Variants in EFR3B observed in about 807,000 individuals in gnomAD.
The protein encoded by EFR3B is protein EFR3 homolog B.
Under a neutral mutation model 104.7 loss-of-function variants are expected in EFR3B, and 64 were observed. The ratio of observed to expected loss-of-function variants is 0.61; its 90% CI spans 0.50 to 0.75. EFR3B has a LOEUF of 0.75. Ranked by LOEUF, EFR3B falls within the 30% of genes least tolerant of loss-of-function variation. The pLI is 0.00. For synonymous variants in EFR3B, 385 were observed against 417.9 expected (o/e 0.92, Z 0.96); for missense variants, 750 against 1,078.5 (o/e 0.70, Z 4.27).
chr2:25,086,682 T>C (rs113151175), intron 1 of EFR3B, among the ~76,000 whole-genome samples: 22 of 152,284 alleles, frequency 1.4e-4, no homozygotes, highest in African/African-American at 3.6e-4. Context: ...AACCTCTGCC[T>C]CCTGGGTTCA....
intron 1 of EFR3B, among the ~76,000 whole-genome samples, chr2:25,079,065 G>T (rs978807613): frequency 6.6e-6 from 1 of 152,196 alleles, no homozygotes; most frequent in African/African-American, 2.4e-5. Flanking sequence ...ACCCCCTACA[G>T]TGGAGGAAGG....
chr2:25,088,774 C>T (rs1430361461), intron 1 of EFR3B, among the ~76,000 whole-genome samples: 1 of 152,154 alleles, frequency 6.6e-6, no homozygotes, highest in African/African-American at 2.4e-5. Context: ...CAGGATTTGA[C>T]CTGAGAGCCC....
intron 1 of EFR3B, among the ~76,000 whole-genome samples, chr2:25,089,350 C>A (rs1186055680): frequency 6.6e-6 from 1 of 152,140 alleles, no homozygotes; most frequent in East Asian, 1.9e-4. Flanking sequence ...GTGAGCTTGG[C>A]CTTTGTCCAG....
intron 1 of EFR3B, among the ~76,000 whole-genome samples, chr2:25,046,888 A>G (rs1223614310): frequency 1.3e-5 from 2 of 152,182 alleles, no homozygotes; most frequent in Admixed American, 6.5e-5. Flanking sequence ...GCGCATGTGC[A>G]CACACATAAA....
At chr2:25,053,197 G>A (rs1044784353) in intron 1 of EFR3B, among the ~76,000 whole-genome samples, 19 of 152,346 alleles carry the variant, frequency 1.2e-4, no homozygotes, top group African/African-American at 3.8e-4. Flanking sequence ...AGTCAACAGC[G>A]AGGCTGGGAG....
rs533590020 is a variant in EFR3B, at chr2:25,103,915, C to T, written c.363+128C>T. ...TTGGTTCCCAACCCTAAGTGTGACA[C>T]ACTGCTTGTTTTAGGGTCTCCCTTT... On this transcript the variant is annotated intron_variant, in intron 4 of 22. Coordinates refer to ENST00000403714, the MANE Select transcript of EFR3B (RefSeq NM_014971.2). 7.0e-6 allele frequency: 8 copies of T among 1,137,098 alleles called. No individual in the cohort carries two copies. The East Asian group carries it at 7.9e-5, about 11-fold the overall frequency. 70.4% of individuals were successfully genotyped at this position (1,137,098 alleles called of 1,614,324 possible).
intron 1 of EFR3B, among the ~76,000 whole-genome samples, chr2:25,067,466 ACT>A (rs1668370108): frequency 6.9e-6 from 1 of 144,590 alleles, no homozygotes; most frequent in African/African-American, 2.6e-5. Context: ...ATAGAGTCTC[ACT>A]CTGTTGCCCA....
intron 1 of EFR3B, among the ~76,000 whole-genome samples, chr2:25,050,965 A>G (rs999148070): frequency 6.6e-6 from 1 of 152,164 alleles, no homozygotes; most frequent in Admixed American, 6.5e-5. Flanking sequence ...TTTGCATGGT[A>G]TTAAGATTGG....
chr2:25,117,061 G>T (rs1014463964), intron 4 of EFR3B, among the ~76,000 whole-genome samples: 10 of 152,224 alleles, frequency 6.6e-5, no homozygotes, highest in African/African-American at 2.2e-4. Context: ...GCCACGGCTC[G>T]CTGAGGAAGA....
Position 25,042,349 on chromosome 2 carries a change from C to T in EFR3B, c.7+30C>T. ...GGAGGGCTCCGCGCCCGGGCCCGGG[C>T]CCGCGGGGGCGACTCCGCAAACTTC... On this transcript the variant is annotated intron_variant, in intron 1 of 22. Coordinates refer to ENST00000403714, the MANE Select transcript of EFR3B (RefSeq NM_014971.2). The surrounding 1 kb of genome is among the most constrained non-coding windows in gnomAD (Gnocchi z 5.4). The T allele has an allele frequency of 8.0e-7, 1 of 1,257,186 alleles. No homozygotes were observed. Among genetic ancestry groups the T allele is most frequent in the Non-Finnish European group, 1.0e-6 (1 of 999,776 alleles). The allele number at this position is 1,257,186 out of a possible 1,614,324, so 77.9% of individuals were successfully genotyped here.
chr2:25,085,054 A>G (rs1668912139), intron 1 of EFR3B, among the ~76,000 whole-genome samples: 1 of 152,196 alleles, frequency 6.6e-6, no homozygotes, highest in Non-Finnish European at 1.5e-5. Flanking sequence ...CACAAGGAAT[A>G]AGGCACCTAC....
At chr2:25,075,157 C>G (rs1668601752) in intron 1 of EFR3B, among the ~76,000 whole-genome samples, 1 of 152,132 alleles carries the variant, frequency 6.6e-6, no homozygotes. Context: ...TTGTCCTTTC[C>G]TACTTGAGCA....
At chr2:25,051,637 G>GT (rs1553383963) in intron 1 of EFR3B, among the ~76,000 whole-genome samples, 15,709 of 136,690 alleles carry the variant, frequency 0.11, 2,136 homozygotes, top group African/African-American at 0.33. Flanking sequence ...GTGTGTGTGT[G>GT]TTTTTTTTTT....
At position 25,042,116 on chromosome 2, in the gene EFR3B, C is replaced by CCGGCGCTGAATGGGCTGG; in HGVS notation, c.-190_-173dup. 1 of 376,372 alleles carries CCGGCGCTGAATGGGCTGG rather than the reference C, an allele frequency of 2.7e-6. No homozygotes were observed. Among genetic ancestry groups the CCGGCGCTGAATGGGCTGG allele is most frequent in the East Asian group, 4.8e-5 (1 of 21,016 alleles). The allele number at this position is 376,372 out of a possible 1,614,324, so 23.3% of individuals were successfully genotyped here. A position where few individuals can be genotyped will look rare whatever the true frequency, so the allele number is the denominator to read the frequency against. On this transcript the variant is annotated 5_prime_UTR_variant, in exon 1 of 23. It adds an upstream start codon to the 5' untranslated region. Coordinates refer to ENST00000403714, the MANE Select transcript of EFR3B (RefSeq NM_014971.2). This position sits in a 1 kb window ranked among gnomAD's most constrained non-coding sequence, Gnocchi z 5.4. Reference sequence around the variant, plus strand: ...CCCGAGCGGAGGCGGCCGCTGCAGCCCGGCGCTGAATGGGCTGGCGGCGCC... The same window carrying CCGGCGCTGAATGGGCTGG: ...CCCGAGCGGAGGCGGCCGCTGCAGCCCGGCGCTGAATGGGCTGGCGGCGCTGAATGGGCTGGCGGCGCC...
intron 1 of EFR3B, among the ~76,000 whole-genome samples, chr2:25,043,780 T>A (rs190535084): frequency 6.6e-6 from 1 of 152,078 alleles, no homozygotes; most frequent in Admixed American, 6.6e-5. Flanking sequence ...CTCTCTGTTT[T>A]CCCCCTCTTC....
rs1671154068 is a variant in EFR3B at position 25,155,911 on chromosome 2, G to GAAC, written c.*1572_*1574dup. On this transcript the variant is annotated 3_prime_UTR_variant, in exon 23 of 23. Coordinates refer to ENST00000403714, the MANE Select transcript of EFR3B (RefSeq NM_014971.2). The stretch of plus-strand genomic sequence containing the variant: ...TCACTATGTTGCCCAGGCTGGCCTC[G>GAAC]AACTCCTGAGTTTAAGTGATTCTCC... The GAAC allele has an allele frequency of 6.7e-6, 1 of 149,110 alleles. No homozygotes were observed. The highest frequency in any genetic ancestry group is 6.6e-5 in the Admixed American group (1 of 15,136). 9.2% of individuals were successfully genotyped at this position (149,110 alleles called of 1,614,324 possible).
At chr2:25,045,868 C>G (rs1323994905) in intron 1 of EFR3B, among the ~76,000 whole-genome samples, 1 of 152,072 alleles carries the variant, frequency 6.6e-6, no homozygotes, top group African/African-American at 2.4e-5. Flanking sequence ...TGAGGTGAAA[C>G]AGAGCTCTGA....
chr2:25,084,943 C>G (rs1020673984), intron 1 of EFR3B, among the ~76,000 whole-genome samples: 1 of 152,136 alleles, frequency 6.6e-6, no homozygotes, highest in African/African-American at 2.4e-5. Flanking sequence ...TTCCCTTTAG[C>G]TTAGTGATTT....
Position 25,153,749 on chromosome 2 carries a change from A to G in EFR3B, c.2336A>G (p.Glu779Gly). Reference sequence around the variant, plus strand: ...CAGAGCAAACTCAATCAGATCTTTGAAATCACCATCCGGTAAGTGACAACC... The same window carrying G: ...CAGAGCAAACTCAATCAGATCTTTGGAATCACCATCCGGTAAGTGACAACC... ...LLQSKLNQIF[E>G]ITIRPPPSPS... Residue 779 changes from glutamate (E) to glycine (G), a missense_variant, in exon 22 of 23, where the codon GAA becomes GGA. Glu to Gly is a moderately conservative substitution (Grantham distance 98). Transcript: ENST00000403714. 6.4e-7 allele frequency: 1 copy of G among 1,551,668 alleles called. No individual in the cohort carries two copies. The highest frequency in any genetic ancestry group is 8.7e-7 in the Non-Finnish European group (1 of 1,146,996).
Sources: gnomAD v4.1 joint callset for allele counts (sites outside exome capture counted in the v4.1 genomes callset) on GRCh38, gnomAD v4.1.1 for gene constraint, Gnocchi (gnomAD v3.1) non-coding constraint, MANE v1.5 for transcripts, NCBI Gene and HGNC (gene_info 2026-07-23, HGNC 2026-07-21) for gene names.